Variants in DAW1 observed in about 807,000 individuals in gnomAD.
DAW1 encodes dynein assembly factor with WD repeat domains 1.
Under a neutral mutation model 56.5 loss-of-function variants are expected in DAW1, and 47 were observed. The ratio of observed to expected loss-of-function variants is 0.83; its 90% CI spans 0.66 to 1.06. The LOEUF (loss-of-function observed/expected upper bound fraction) is 1.06. Among genes scored for constraint, DAW1 ranks in the 50% least tolerant of loss-of-function variants. DAW1 has a pLI of 0.00. For synonymous variants in DAW1, 190 were observed against 179.0 expected, an observed-to-expected ratio of 1.06 and a Z score of -0.49; for missense variants, 505 against 499.3, an observed-to-expected ratio of 1.01 and a Z score of -0.11.
At chr2:227,879,385 G>A (rs948203439) in intron 1 of DAW1, among the ~76,000 whole-genome samples, 8 of 152,098 alleles carry the variant, frequency 5.3e-5, no homozygotes, top group South Asian at 4.1e-4. Context: ...TAAGTTGACC[G>A]CTCCTGACTT....
intron 8 of DAW1, 58 bp downstream of exon 8, chr2:227,905,093 C>G: frequency 6.8e-7 from 1 of 1,478,350 alleles, no homozygotes; most frequent in Non-Finnish European, 9.3e-7. Flanking sequence ...AGAAAACCCT[C>G]TGTTATTTTT....
intron 2 of DAW1, among the ~76,000 whole-genome samples, chr2:227,886,342 C>T (rs912234427): frequency 2.6e-5 from 4 of 152,200 alleles, no homozygotes; most frequent in African/African-American, 9.6e-5. Flanking sequence ...AATAGCTGGG[C>T]GTGGTTGCTC....
chr2:227,907,283 G>T (rs1422562098), intron 10 of DAW1, 31 bp downstream of exon 10: 1 of 1,564,796 alleles, frequency 6.4e-7, no homozygotes, highest in East Asian at 2.2e-5. Context: ...TTTAATTTTT[G>T]GAGAGATTTA....
At chr2:227,912,533 T>G in intron 10 of DAW1, 1 of 1,263,950 alleles carries the variant, frequency 7.9e-7, no homozygotes, top group African/African-American at 1.5e-5. Context: ...CTGTCTAGTA[T>G]GTCTGTTTCA....
In DAW1 at chr2:227,910,495, AACACAC is replaced by A. The variant is rs55741229; in HGVS notation, c.973+3268_973+3273del. Among the ~76,000 whole-genome samples the A allele has an allele frequency of 2.1e-4, 31 of 145,360 alleles. No homozygotes were observed. In the South Asian group the frequency reaches 3.2e-3, roughly 15 times the overall value. ...TTCTTGATGAATATATTTGTGGATG[AACACAC>A]ACACACACACACACACACACACACC... On this transcript the variant is annotated intron_variant, in intron 10 of 12. Coordinates refer to ENST00000309931, the MANE Select transcript of DAW1 (RefSeq NM_178821.3).
chr2:227,891,814 G>A (rs1371860328), intron 4 of DAW1, among the ~76,000 whole-genome samples: 6 of 152,150 alleles, frequency 3.9e-5, no homozygotes, highest in Non-Finnish European at 7.3e-5. Flanking sequence ...GTTTGCTAAG[G>A]CTTCCATAAT....
At chr2:227,893,520 A>C (rs1002372702) in intron 4 of DAW1, among the ~76,000 whole-genome samples, 1 of 151,482 alleles carries the variant, frequency 6.6e-6, no homozygotes, top group Non-Finnish European at 1.5e-5. Context: ...ACACACAAAA[A>C]ATATAGCCAG....
chr2:227,881,219 A>G (rs567177001), intron 1 of DAW1, among the ~76,000 whole-genome samples: 1 of 152,338 alleles, frequency 6.6e-6, no homozygotes, highest in African/African-American at 2.4e-5. Context: ...CCCATCATCT[A>G]CCAATTAGTT....
chr2:227,905,089 C>T, intron 8 of DAW1, 54 bp downstream of exon 8: 1 of 1,491,526 alleles, frequency 6.7e-7, no homozygotes, highest in Non-Finnish European at 9.2e-7. Flanking sequence ...GTTCAGAAAA[C>T]CCTCTGTTAT....
intron 5 of DAW1, among the ~76,000 whole-genome samples, chr2:227,895,880 A>G (rs1291165319): frequency 6.6e-6 from 1 of 152,220 alleles, no homozygotes; most frequent in Non-Finnish European, 1.5e-5. Context: ...CAAGGAGGTC[A>G]TTTAGGATGC....
At chr2:227,874,006 G>A (rs552587254) in intron 1 of DAW1, among the ~76,000 whole-genome samples, 5 of 152,280 alleles carry the variant, frequency 3.3e-5, no homozygotes, top group African/African-American at 1.2e-4. Context: ...ATTTAAATTA[G>A]GCATAGGTAG....
chr2:227,880,615 A>G (rs1029385687), intron 1 of DAW1, among the ~76,000 whole-genome samples: 3 of 152,202 alleles, frequency 2.0e-5, no homozygotes, highest in Non-Finnish European at 4.4e-5. Context: ...CACTAAAAGC[A>G]TTTTTAATTA....
intron 8 of DAW1, 53 bp downstream of exon 8, chr2:227,905,088 A>C: frequency 1.3e-6 from 2 of 1,486,256 alleles, no homozygotes; most frequent in Non-Finnish European, 1.8e-6. Flanking sequence ...GGTTCAGAAA[A>C]CCCTCTGTTA....
chr2:227,897,155 C>T (rs750786359), intron 5 of DAW1, among the ~76,000 whole-genome samples: 10 of 149,840 alleles, frequency 6.7e-5, no homozygotes, highest in Non-Finnish European at 1.3e-4. Context: ...TGGAAGACAT[C>T]AGCAGCTGAA....
intron 5 of DAW1, among the ~76,000 whole-genome samples, chr2:227,896,433 T>A (rs1384267022): frequency 3.3e-5 from 5 of 152,328 alleles, no homozygotes; most frequent in African/African-American, 1.2e-4. Flanking sequence ...ACTCTTCAAC[T>A]GAATTCTACC....
At chr2:227,879,345 G>A (rs1168114691) in intron 1 of DAW1, among the ~76,000 whole-genome samples, 1 of 151,690 alleles carries the variant, frequency 6.6e-6, no homozygotes, top group Non-Finnish European at 1.5e-5. Context: ...TTTTTGTTTT[G>A]GTTTGTTTAT....
chr2:227,915,957 C>T (rs949079445), intron 10 of DAW1, among the ~76,000 whole-genome samples: 2 of 152,082 alleles, frequency 1.3e-5, no homozygotes, highest in African/African-American at 4.8e-5. Flanking sequence ...GTGCCATCAC[C>T]TTGAAAGTTA....
At position 227,903,332 on chromosome 2, in the gene DAW1, C is replaced by T. The variant is rs1241419459; in HGVS notation, c.648+223C>T. On this transcript the variant is annotated intron_variant, in intron 7 of 12. Transcript: ENST00000309931. ...TTGACTAACTTTAGTCTGCAAAACACATAAACTATATCTTAGAACCCATCA... is the reference window on the plus strand; with the variant it reads ...TTGACTAACTTTAGTCTGCAAAACATATAAACTATATCTTAGAACCCATCA... Among the ~76,000 whole-genome samples the T allele has an allele frequency of 2.6e-5, 4 of 152,142 alleles. No homozygotes were observed. The East Asian group carries it at 7.7e-4, about 29-fold the overall frequency.
At chr2:227,896,338 T>C (rs1326551154) in intron 5 of DAW1, among the ~76,000 whole-genome samples, 2 of 152,216 alleles carry the variant, frequency 1.3e-5, no homozygotes, top group African/African-American at 4.8e-5. Flanking sequence ...TATCCTTTAA[T>C]AGTCTACTTA....
Sources: allele counts gnomAD v4.1 joint callset (sites outside exome capture counted in the v4.1 genomes callset), GRCh38; gene constraint gnomAD v4.1.1; transcripts MANE v1.5; gene names NCBI Gene and HGNC (gene_info 2026-07-23, HGNC 2026-07-21).